RNLS: variants seen among roughly 807,000 people sequenced by gnomAD.
RNLS encodes renalase, FAD dependent amine oxidase, also known as renalase.
A neutral mutation model predicts 39.8 loss-of-function variants in RNLS; 39 were observed. That is an observed-to-expected ratio of 0.98 (90% CI 0.76 to 1.28). The LOEUF (loss-of-function observed/expected upper bound fraction) is 1.28. RNLS is among the 50% of genes most tolerant of loss of function. The probability of loss-of-function intolerance (pLI) is 0.00; values close to 1 mark genes in which losing one functional copy is unlikely to be tolerated. For synonymous variants in RNLS, 147 were observed against 150.7 expected, an observed-to-expected ratio of 0.98 and a Z score of 0.18; for missense variants, 410 against 413.3, an observed-to-expected ratio of 0.99 and a Z score of 0.07.
At chr10:88,537,094 A>C in intron 4 of RNLS, among the ~76,000 whole-genome samples, 1 of 152,318 alleles carries the variant, frequency 6.6e-6, no homozygotes, top group East Asian at 1.9e-4. Context: ...CTGAACTTCT[A>C]GAGATCTTGG....
Position 88,569,182 on chromosome 10 carries a change from T to C in RNLS, c.526+3721A>G, listed in dbSNP as rs1230260473. The stretch of plus-strand genomic sequence containing the variant: ...CCAAGCAATTTTTCTAAGAAACTTT[T>C]GTTTTAACCTTTGTTAAGGAAAGCA... On this transcript the variant is annotated intron_variant, in intron 4 of 6. Coordinates refer to ENST00000331772, the MANE Select transcript of RNLS (RefSeq NM_001031709.3). Among the ~76,000 whole-genome samples, 8 of 152,240 alleles carry C rather than the reference T, an allele frequency of 5.3e-5. 1 individual carries two copies. Among genetic ancestry groups the C allele is most frequent in the Admixed American group, 5.2e-4 (8 of 15,284 alleles).
At chr10:88,581,509 T>G in intron 3 of RNLS, 58 bp downstream of exon 3, 1 of 1,455,476 alleles carries the variant, frequency 6.9e-7, no homozygotes, top group Non-Finnish European at 9.4e-7. Context: ...TAACTATGTG[T>G]GTAACTTGTT....
chr10:88,299,800 A>G (rs1187218356), intron 6 of RNLS, among the ~76,000 whole-genome samples: 1 of 152,166 alleles, frequency 6.6e-6, no homozygotes, highest in Non-Finnish European at 1.5e-5. Flanking sequence ...TCCAAATTCT[A>G]TTTTGTTGTT....
intron 4 of RNLS, among the ~76,000 whole-genome samples, chr10:88,418,714 GTTGGT>G (rs1463639499): frequency 6.6e-6 from 1 of 152,208 alleles, no homozygotes; most frequent in Non-Finnish European, 1.5e-5. Flanking sequence ...GTCAGGATAA[GTTGGT>G]TACACCTCTC....
intron 5 of RNLS, among the ~76,000 whole-genome samples, chr10:88,333,993 GA>G (rs1222923413): frequency 6.6e-6 from 1 of 152,190 alleles, no homozygotes; most frequent in Admixed American, 6.5e-5. Flanking sequence ...ATACTGCTTA[GA>G]AACTACCCTG....
At chr10:88,400,333 A>G (rs1210995127) in intron 4 of RNLS, among the ~76,000 whole-genome samples, 1 of 151,992 alleles carries the variant, frequency 6.6e-6, no homozygotes, top group African/African-American at 2.4e-5. Context: ...CTCCCTTTGT[A>G]GCTTCATTTA....
At chr10:88,417,650 A>G (rs1216436209) in intron 4 of RNLS, among the ~76,000 whole-genome samples, 1 of 152,082 alleles carries the variant, frequency 6.6e-6, no homozygotes, top group Non-Finnish European at 1.5e-5. Flanking sequence ...CTGAAATATG[A>G]GCCATAGCCC....
intron 4 of RNLS, among the ~76,000 whole-genome samples, chr10:88,538,176 A>C (rs758445508): frequency 2.0e-5 from 3 of 152,160 alleles, no homozygotes; most frequent in Non-Finnish European, 2.9e-5. Context: ...TTCCGAATGA[A>C]AGCAATCTTT....
intron 4 of RNLS, among the ~76,000 whole-genome samples, chr10:88,480,824 T>C (rs1382020510): frequency 1.3e-5 from 2 of 152,106 alleles, no homozygotes; most frequent in Admixed American, 6.6e-5. Context: ...TGTGTGTATG[T>C]GTTCTATTAC....
chr10:88,304,488 AATAAC>A lies in RNLS; in HGVS notation c.876+9973_876+9977del, dbSNP rs1401496273. Among the ~76,000 whole-genome samples the A allele has an allele frequency of 9.8e-5, 15 of 152,332 alleles. No homozygotes were observed. In the South Asian group the frequency reaches 3.1e-3, roughly 32 times the overall value. Reference sequence around the variant, plus strand: ...GACAGACAAAATAATTGGTATAGAAAATAACATAACTGACCTGAAAGAGCTGAAAA... The same window carrying A: ...GACAGACAAAATAATTGGTATAGAAAATAACTGACCTGAAAGAGCTGAAAA... On this transcript the variant is annotated intron_variant, in intron 6 of 6. Transcript: ENST00000331772.
At chr10:88,548,664 T>A (rs1266427078) in intron 4 of RNLS, among the ~76,000 whole-genome samples, 1 of 141,978 alleles carries the variant, frequency 7.0e-6, no homozygotes, top group Admixed American at 7.1e-5. Context: ...ATATATATAA[T>A]ATTTAATACA....
the RNLS span, among the ~76,000 whole-genome samples, chr10:88,238,450 A>C: frequency 6.6e-6 from 1 of 152,240 alleles, no homozygotes; most frequent in Non-Finnish European, 1.5e-5. Context: ...GGAATTTTGC[A>C]TCTGAGTAAA....
At chr10:88,203,344 G>GTATA in the RNLS span, among the ~76,000 whole-genome samples, 10 of 12,182 alleles carry the variant, frequency 8.2e-4, 1 homozygote, top group Non-Finnish European at 1.0e-3. Context: ...ATACACGTAT[G>GTATA]TGTATATATA....
chr10:88,395,238 A>G (rs1210191388), intron 4 of RNLS, among the ~76,000 whole-genome samples: 3 of 17,106 alleles, frequency 1.8e-4, no homozygotes, highest in East Asian at 7.6e-4. Flanking sequence ...TAAAAGATGA[A>G]AAAAAAAAAA....
chr10:88,354,709 C>T (rs1379417795), intron 5 of RNLS, among the ~76,000 whole-genome samples: 3 of 152,096 alleles, frequency 2.0e-5, no homozygotes, highest in East Asian at 3.8e-4. Flanking sequence ...TTGCTCTTCT[C>T]GACAATTATC....
chr10:88,503,210 G>T (rs1352002596), intron 4 of RNLS, among the ~76,000 whole-genome samples: 1 of 152,048 alleles, frequency 6.6e-6, no homozygotes, highest in Non-Finnish European at 1.5e-5. Flanking sequence ...GTGAAACCCT[G>T]TATCTACTAA....
At chr10:88,414,860 G>A (rs1046101794) in intron 4 of RNLS, among the ~76,000 whole-genome samples, 2 of 152,158 alleles carry the variant, frequency 1.3e-5, no homozygotes, top group Non-Finnish European at 2.9e-5. Context: ...ATAAATAGAA[G>A]TTTGGTCTTG....
chr10:88,301,883 T>C (rs1844553731), intron 6 of RNLS, among the ~76,000 whole-genome samples: 1 of 152,074 alleles, frequency 6.6e-6, no homozygotes, highest in Non-Finnish European at 1.5e-5. Context: ...AAGTGGGACA[T>C]GTGGGCATGA....
chr10:88,369,944 C>T (rs1467241729), intron 4 of RNLS, among the ~76,000 whole-genome samples: 1 of 152,164 alleles, frequency 6.6e-6, no homozygotes, highest in East Asian at 1.9e-4. Context: ...CCTTGGCCTC[C>T]CAAAGTGTTG....
Sources: gnomAD v4.1 joint callset for allele counts (sites outside exome capture counted in the v4.1 genomes callset) on GRCh38, gnomAD v4.1.1 for gene constraint, MANE v1.5 for transcripts, NCBI Gene and HGNC (gene_info 2026-07-23, HGNC 2026-07-21) for gene names.